NDUFV2: variants seen among roughly 807,000 people sequenced by gnomAD.
The protein encoded by NDUFV2 is NADH:ubiquinone oxidoreductase core subunit V2.
NDUFV2 carries 18 observed loss-of-function variants against 31.6 expected under a neutral mutation model. The ratio of observed to expected loss-of-function variants is 0.57; its 90% CI spans 0.39 to 0.84. The LOEUF (loss-of-function observed/expected upper bound fraction) is 0.84, where lower values mean the gene tolerates loss of function less well. Among genes scored for constraint, NDUFV2 ranks in the 40% least tolerant of loss-of-function variants. NDUFV2 has a pLI of 0.00. For synonymous variants in NDUFV2, 83 were observed against 99.8 expected, an observed-to-expected ratio of 0.83 and a Z score of 1.01; for missense variants, 314 against 303.6, an observed-to-expected ratio of 1.03 and a Z score of -0.26.
At chr18:9,107,975 GGT>G (rs757078469) in intron 1 of NDUFV2, among the ~76,000 whole-genome samples, 32 of 152,164 alleles carry the variant, frequency 2.1e-4, no homozygotes, top group Non-Finnish European at 4.1e-4. Flanking sequence ...AAGTGCATGA[GGT>G]GAGACTGAAC....
At chr18:9,119,237 T>A in intron 2 of NDUFV2, 89 bp from the exon 3 acceptor site, 1 of 1,025,604 alleles carries the variant, frequency 9.8e-7, no homozygotes. Context: ...ATGGAGAGAT[T>A]AAACAATAAG....
At chr18:9,113,485 A>G (rs1206001538) in intron 1 of NDUFV2, among the ~76,000 whole-genome samples, 1 of 152,212 alleles carries the variant, frequency 6.6e-6, no homozygotes, top group Non-Finnish European at 1.5e-5. Context: ...CTGGGTCAGT[A>G]GGCAGCATGA....
In NDUFV2 at chr18:9,105,050, T is replaced by G; in HGVS notation, c.54+2253T>G. 2.8e-6 allele frequency: 4 copies of G among 1,414,052 alleles called. No homozygotes were observed. In the South Asian group the frequency reaches 6.2e-5, roughly 22 times the overall value. 87.6% of individuals were successfully genotyped at this position (1,414,052 alleles called of 1,614,324 possible). A position where few individuals can be genotyped will look rare whatever the true frequency, so the allele number is the denominator to read the frequency against. On this transcript the variant is annotated intron_variant, in intron 1 of 7. Transcript: ENST00000318388. ...ACAGCTTTCCTTATCAGTAGACATTTCTATACTGTCATTTTAATGCTACAT... is the reference window on the plus strand; with the variant it reads ...ACAGCTTTCCTTATCAGTAGACATTGCTATACTGTCATTTTAATGCTACAT...
chr18:9,129,430 C>T (rs2078021420), intron 7 of NDUFV2, among the ~76,000 whole-genome samples: 1 of 152,134 alleles, frequency 6.6e-6, no homozygotes, highest in Non-Finnish European at 1.5e-5. Context: ...GTGTGTCAGG[C>T]ATTATTTTAG....
chr18:9,104,370 T>C lies in NDUFV2; in HGVS notation c.54+1573T>C, dbSNP rs149673739. On this transcript the variant is annotated intron_variant, in intron 1 of 7. Transcript: ENST00000318388. ...GTAGAGGAATAAGATGTGGTTTCTG[T>C]TTTGGATAGGTCACTGGATAGGACT... The C allele has an allele frequency of 3.2e-4, 448 of 1,406,522 alleles. 1 individual carries two copies. The East Asian group carries it at 5.1e-3, about 16-fold the overall frequency. 87.1% of individuals were successfully genotyped at this position (1,406,522 alleles called of 1,614,324 possible). A position where few individuals can be genotyped will look rare whatever the true frequency, so the allele number is the denominator to read the frequency against.
chr18:9,132,897 AATTGC>A (rs1453178596), intron 7 of NDUFV2, among the ~76,000 whole-genome samples: 1 of 152,140 alleles, frequency 6.6e-6, no homozygotes, highest in African/African-American at 2.4e-5. Flanking sequence ...TAAATTTAAA[AATTGC>A]AAAATATAAT....
chr18:9,126,910 A>T lies in NDUFV2; in HGVS notation c.656+3A>T, dbSNP rs1296590294. The stretch of plus-strand genomic sequence containing the variant: ...AAAATCCCAAAACCAGGGCCAAGGT[A>T]TGCTTTATTTATATATAGGAAGTTT... On this transcript the variant is annotated splice_donor_region_variant and intron_variant, in intron 7 of 7. Transcript: ENST00000318388. 1 of 1,611,800 alleles carries T rather than the reference A, an allele frequency of 6.2e-7. No individual in the cohort carries two copies. Among genetic ancestry groups the T allele is most frequent in the Non-Finnish European group, 8.5e-7 (1 of 1,178,044 alleles).
At chr18:9,124,435 CT>C (rs1323293057) in intron 5 of NDUFV2, among the ~76,000 whole-genome samples, 1 of 137,330 alleles carries the variant, frequency 7.3e-6, no homozygotes, top group African/African-American at 2.7e-5. Flanking sequence ...GGATTTTTTT[CT>C]TTTTAAAAAA....
At chr18:9,122,214 T>TA (rs1283316414) in intron 4 of NDUFV2, among the ~76,000 whole-genome samples, 1 of 152,154 alleles carries the variant, frequency 6.6e-6, no homozygotes, top group African/African-American at 2.4e-5. Flanking sequence ...GTGAAATACT[T>TA]AAAGATTTAG....
At chr18:9,103,422 G>A (rs530484803) in intron 1 of NDUFV2, 5 of 315,628 alleles carry the variant, frequency 1.6e-5, no homozygotes, top group South Asian at 1.6e-4. Context: ...TGAGATCCAA[G>A]TACATCTCAT....
At chr18:9,125,294 A>G (rs1427695981) in intron 6 of NDUFV2, among the ~76,000 whole-genome samples, 1 of 150,826 alleles carries the variant, frequency 6.6e-6, no homozygotes, top group Non-Finnish European at 1.5e-5. Context: ...AGATACTATC[A>G]TCATCATCAT....
At chr18:9,118,361 T>C (rs1033135284) in intron 2 of NDUFV2, among the ~76,000 whole-genome samples, 3 of 152,168 alleles carry the variant, frequency 2.0e-5, no homozygotes, top group Non-Finnish European at 2.9e-5. Context: ...CCCAGATTAG[T>C]TGCACAATTT....
chr18:9,115,756 G>A (rs1462081809), intron 1 of NDUFV2: 1 of 152,104 alleles, frequency 6.6e-6, no homozygotes, highest in Non-Finnish European at 1.5e-5. Context: ...TACTTGGGAG[G>A]CTGAGGTAGG....
chr18:9,111,845 GTCTC>G (rs2077872004), intron 1 of NDUFV2, among the ~76,000 whole-genome samples: 1 of 151,800 alleles, frequency 6.6e-6, no homozygotes, highest in Admixed American at 6.5e-5. Flanking sequence ...TTGCTATATT[GTCTC>G]TCCATACATA....
intron 1 of NDUFV2, among the ~76,000 whole-genome samples, chr18:9,108,514 G>T (rs1299170025): frequency 1.3e-5 from 2 of 152,092 alleles, no homozygotes; most frequent in African/African-American, 4.8e-5. Flanking sequence ...CTACTTGGTA[G>T]GCTTGCTGAG....
At chr18:9,114,378 T>C (rs1173753913) in intron 1 of NDUFV2, among the ~76,000 whole-genome samples, 2 of 151,462 alleles carry the variant, frequency 1.3e-5, no homozygotes, top group African/African-American at 4.8e-5. Flanking sequence ...AGTAACTCTT[T>C]GATAAAGTCA....
At chr18:9,133,122 T>C (rs2078054983) in intron 7 of NDUFV2, among the ~76,000 whole-genome samples, 1 of 152,208 alleles carries the variant, frequency 6.6e-6, no homozygotes, top group Non-Finnish European at 1.5e-5. Flanking sequence ...AAAGATCTTA[T>C]ATTATGTGGT....
At chr18:9,117,800 T>TTTAGGATTC in intron 1 of NDUFV2, 38 bp from the exon 2 acceptor site, 1 of 1,236,304 alleles carries the variant, frequency 8.1e-7, no homozygotes, top group Non-Finnish European at 1.2e-6. Context: ...TTTTTAAGGC[T>TTTAGGATTC]ATGATTTACT....
chr18:9,117,753 T>A (rs2077906205), intron 1 of NDUFV2, 85 bp from the exon 2 acceptor site: 2 of 785,876 alleles, frequency 2.5e-6, no homozygotes, highest in Non-Finnish European at 4.5e-6. Flanking sequence ...TCCATTGTTG[T>A]AAATTATGAA....
Sources: gnomAD v4.1 joint callset for allele counts (sites outside exome capture counted in the v4.1 genomes callset) on GRCh38, gnomAD v4.1.1 for gene constraint, MANE v1.5 for transcripts, NCBI Gene and HGNC (gene_info 2026-07-23, HGNC 2026-07-21) for gene names.